Variants in NAALADL2 observed in about 807,000 individuals in gnomAD.
The protein encoded by NAALADL2 is inactive N-acetylated-alpha-linked acidic dipeptidase-like protein 2.
NAALADL2 carries 76 observed loss-of-function variants against 87.2 expected under a neutral mutation model. The ratio of observed to expected loss-of-function variants is 0.87; its 90% CI spans 0.72 to 1.05. The LOEUF (loss-of-function observed/expected upper bound fraction) is 1.05. Among genes scored for constraint, NAALADL2 ranks in the 50% least tolerant of loss-of-function variants. The probability of loss-of-function intolerance (pLI) is 0.00; values close to 1 mark genes in which losing one functional copy is unlikely to be tolerated. For synonymous variants in NAALADL2, 354 were observed against 331.0 expected, an observed-to-expected ratio of 1.07 and a Z score of -0.75; for missense variants, 1,089 against 945.8, an observed-to-expected ratio of 1.15 and a Z score of -1.99.
In NAALADL2 at chr3:175,755,335, C is replaced by T. The variant is rs953793202; in HGVS notation, c.2106C>T (p.Pro702=). The change falls in exon 13 of 14, where the codon CCC becomes CCT. Residue 702 remains proline, a synonymous_variant. Transcript: ENST00000454872. The part of the protein sequence containing the change: ...RPANDPKERA[P]IRIRMLNDIL... ...CTAATGATCCCAAGGAGAGAGCACCCATCCGCATCCGGATGCTGAATGACA... is the reference window on the plus strand; with the variant it reads ...CTAATGATCCCAAGGAGAGAGCACCTATCCGCATCCGGATGCTGAATGACA... The T allele has an allele frequency of 6.2e-7, 1 of 1,613,136 alleles. No individual in the cohort carries two copies. The highest frequency in any genetic ancestry group is 1.3e-5 in the African/African-American group (1 of 74,892).
At chr3:175,694,132 G>C (rs1302271432) in intron 11 of NAALADL2, among the ~76,000 whole-genome samples, 4 of 152,048 alleles carry the variant, frequency 2.6e-5, no homozygotes, top group Non-Finnish European at 5.9e-5. Flanking sequence ...TATGGCATCA[G>C]CTATTGTCTC....
chr3:175,494,686 T>G (rs958828183), intron 9 of NAALADL2, among the ~76,000 whole-genome samples: 6 of 152,202 alleles, frequency 3.9e-5, no homozygotes, highest in Middle Eastern at 3.4e-3. Flanking sequence ...GGTACCGATT[T>G]CCAATCGGTA....
chr3:174,906,383 A>G (rs1426436338), intron 1 of NAALADL2, among the ~76,000 whole-genome samples: 1 of 152,134 alleles, frequency 6.6e-6, no homozygotes, highest in African/African-American at 2.4e-5. Flanking sequence ...GCCTCTGACT[A>G]ATAGAATACA....
intron 5 of NAALADL2, among the ~76,000 whole-genome samples, chr3:175,420,042 G>A (rs1338846601): frequency 6.6e-6 from 1 of 151,896 alleles, no homozygotes; most frequent in Non-Finnish European, 1.5e-5. Context: ...CTTCTCAGAT[G>A]CAAAATATAG....
At chr3:175,270,673 A>G (rs374254374) in intron 4 of NAALADL2, among the ~76,000 whole-genome samples, 4 of 152,334 alleles carry the variant, frequency 2.6e-5, no homozygotes, top group African/African-American at 7.2e-5. Context: ...TGAATATTTC[A>G]TAAGAATCGT....
intron 11 of NAALADL2, among the ~76,000 whole-genome samples, chr3:175,643,388 G>A (rs1305614207): frequency 6.6e-6 from 1 of 152,188 alleles, no homozygotes; most frequent in Non-Finnish European, 1.5e-5. Context: ...GCTTCATAGG[G>A]AATGAATATC....
chr3:175,267,502 C>T (rs577578216), intron 4 of NAALADL2, among the ~76,000 whole-genome samples: 2 of 152,096 alleles, frequency 1.3e-5, no homozygotes, highest in African/African-American at 2.4e-5. Context: ...CTCATAGATC[C>T]TTTTATGCTC....
intron 10 of NAALADL2, among the ~76,000 whole-genome samples, chr3:175,592,511 A>T (rs1022971603): frequency 6.6e-6 from 1 of 151,992 alleles, no homozygotes; most frequent in South Asian, 2.1e-4. Context: ...AAGTACTTGG[A>T]GACTAACTTA....
At chr3:174,913,080 T>C (rs1733914204) in intron 1 of NAALADL2, among the ~76,000 whole-genome samples, 1 of 152,162 alleles carries the variant, frequency 6.6e-6, no homozygotes, top group African/African-American at 2.4e-5. Flanking sequence ...TTTCACATTT[T>C]AAAGTGTCCT....
At chr3:175,229,413 A>G (rs1322098310) in intron 2 of NAALADL2, among the ~76,000 whole-genome samples, 6 of 152,046 alleles carry the variant, frequency 3.9e-5, no homozygotes, top group Admixed American at 3.9e-4. Flanking sequence ...ATTTTAAAAC[A>G]TATTTTTATG....
At chr3:175,437,506 G>A (rs201784312) in intron 5 of NAALADL2, among the ~76,000 whole-genome samples, 4,192 of 139,272 alleles carry the variant, frequency 0.03, 90 homozygotes, top group East Asian at 0.13. Context: ...AATCAATATC[G>A]TGAAAATGGC....
intron 2 of NAALADL2, among the ~76,000 whole-genome samples, chr3:174,715,743 T>C (rs981526693): frequency 2.0e-5 from 3 of 152,186 alleles, no homozygotes; most frequent in African/African-American, 7.2e-5. Flanking sequence ...GAAGGTATTA[T>C]AGTAAATAGA....
chr3:174,732,217 A>T (rs76110693), intron 2 of NAALADL2, among the ~76,000 whole-genome samples: 2,534 of 152,140 alleles, frequency 0.017, 64 homozygotes, highest in African/African-American at 0.057. Flanking sequence ...TGATTTTTTG[A>T]CTCTCTTTAG....
chr3:174,557,308 A>C (rs1386636963), intron 2 of NAALADL2, among the ~76,000 whole-genome samples: 1 of 152,192 alleles, frequency 6.6e-6, no homozygotes, highest in Non-Finnish European at 1.5e-5. Flanking sequence ...AACTACTATG[A>C]ATATTATATA....
At chr3:174,612,998 G>T (rs1465211480) in intron 2 of NAALADL2, among the ~76,000 whole-genome samples, 1 of 152,168 alleles carries the variant, frequency 6.6e-6, no homozygotes, top group Non-Finnish European at 1.5e-5. Flanking sequence ...ATCTGCATTA[G>T]GGGGCACCTC....
At chr3:175,594,918 A>C (rs909241403) in intron 10 of NAALADL2, among the ~76,000 whole-genome samples, 1 of 151,904 alleles carries the variant, frequency 6.6e-6, no homozygotes, top group African/African-American at 2.4e-5. Flanking sequence ...TGGATGCATA[A>C]TATGTGAATA....
Position 175,509,433 on chromosome 3 carries a change from T to C in NAALADL2, c.1653+37675T>C, listed in dbSNP as rs931941915. Among the ~76,000 whole-genome samples, 4 of 152,212 alleles carry C rather than the reference T, an allele frequency of 2.6e-5. No homozygotes were observed. The South Asian group carries it at 6.2e-4, about 24-fold the overall frequency. ...TCCTCTCTTGGGGATATGTAGCTCA[T>C]TGTACACATATCACCTGCTCCATGA... On this transcript the variant is annotated intron_variant, in intron 9 of 13. Transcript: ENST00000454872.
At chr3:174,764,036 T>C (rs1713444516) in intron 3 of NAALADL2, among the ~76,000 whole-genome samples, 1 of 152,204 alleles carries the variant, frequency 6.6e-6, no homozygotes. Context: ...GTCAATCTGC[T>C]CTTTGTGATT....
At chr3:175,096,495 C>CGTGTGTGTGT (rs3067035) in intron 1 of NAALADL2, among the ~76,000 whole-genome samples, 16 of 143,320 alleles carry the variant, frequency 1.1e-4, no homozygotes, top group African/African-American at 3.6e-4. Flanking sequence ...ATTAATGGGG[C>CGTGTGTGTGT]GTGTGTGTGT....
Sources: allele counts gnomAD v4.1 joint callset (sites outside exome capture counted in the v4.1 genomes callset), GRCh38; gene constraint gnomAD v4.1.1; transcripts MANE v1.5; gene names NCBI Gene and HGNC (gene_info 2026-07-23, HGNC 2026-07-21).